The following BANK1 variants were observed in gnomAD, a reference collection of about 807,000 sequenced individuals.
BANK1 encodes B-cell scaffold protein with ankyrin repeats.
Under a neutral mutation model 94.5 loss-of-function variants are expected in BANK1, and 95 were observed. The ratio of observed to expected loss-of-function variants is 1.00; its 90% confidence interval spans 0.85 to 1.19. The LOEUF (loss-of-function observed/expected upper bound fraction) is 1.19. BANK1 is among the 50% of genes most tolerant of loss of function. The pLI, the probability that BANK1 is intolerant of heterozygous loss-of-function variation, is 0.00. For missense variants in BANK1, 987 were observed against 932.2 expected, an observed-to-expected ratio of 1.06 and a Z score of -0.77; for synonymous variants, 334 against 308.4, an observed-to-expected ratio of 1.08 and a Z score of -0.87.
intron 7 of BANK1, among the ~76,000 whole-genome samples, chr4:101,934,989 C>T (rs1028978841): frequency 6.6e-6 from 1 of 151,380 alleles, no homozygotes; most frequent in African/African-American, 2.4e-5. Context: ...CAATACCCAC[C>T]CCACTTCATC....
intron 1 of BANK1, among the ~76,000 whole-genome samples, chr4:101,810,848 T>G (rs1725711839): frequency 6.6e-6 from 1 of 152,218 alleles, no homozygotes; most frequent in Non-Finnish European, 1.5e-5. Flanking sequence ...AGAACATTCA[T>G]TAGCATATAT....
chr4:101,838,714 T>TA (rs1393457248), intron 2 of BANK1, among the ~76,000 whole-genome samples: 1 of 152,222 alleles, frequency 6.6e-6, no homozygotes, highest in Non-Finnish European at 1.5e-5. Flanking sequence ...AATCTACCCT[T>TA]ATGTGATGAT....
At chr4:101,852,516 A>G (rs1306224553) in intron 2 of BANK1, among the ~76,000 whole-genome samples, 1 of 142,418 alleles carries the variant, frequency 7.0e-6, no homozygotes, top group Non-Finnish European at 1.5e-5. Context: ...ACACACACAT[A>G]TAGTCTATTC....
At chr4:101,858,717 A>T (rs1406485031) in intron 3 of BANK1, among the ~76,000 whole-genome samples, 1 of 152,180 alleles carries the variant, frequency 6.6e-6, no homozygotes, top group African/African-American at 2.4e-5. Flanking sequence ...AGAAAATTTA[A>T]TTCTGAAAGT....
At chr4:102,023,268 C>G (rs1726975953) in intron 8 of BANK1, among the ~76,000 whole-genome samples, 1 of 152,196 alleles carries the variant, frequency 6.6e-6, no homozygotes, top group South Asian at 2.1e-4. Context: ...AATTAGTAAA[C>G]TCTTCAAGTT....
chr4:102,073,824 A>G, intron 16 of BANK1, 76 bp downstream of exon 16: 5 of 1,175,810 alleles, frequency 4.3e-6, no homozygotes, highest in Non-Finnish European at 6.1e-6. Context: ...TCATTTGTCT[A>G]AAAAACAGAA....
At chr4:101,955,758 G>C (rs199542787) in intron 7 of BANK1, among the ~76,000 whole-genome samples, 1 of 152,036 alleles carries the variant, frequency 6.6e-6, no homozygotes, top group East Asian at 1.9e-4. Flanking sequence ...TGAAAAATAA[G>C]CTACAAATTT....
intron 5 of BANK1, among the ~76,000 whole-genome samples, chr4:101,892,490 A>G (rs1196028297): frequency 6.6e-6 from 1 of 151,034 alleles, no homozygotes; most frequent in Non-Finnish European, 1.5e-5. Context: ...TTTTTCCAAT[A>G]TTGTCAATAA....
At chr4:101,950,153 A>G (rs1479345778) in intron 7 of BANK1, among the ~76,000 whole-genome samples, 1 of 151,956 alleles carries the variant, frequency 6.6e-6, no homozygotes, top group African/African-American at 2.4e-5. Context: ...CCTCTATATG[A>G]CCTAATTGAT....
intron 6 of BANK1, among the ~76,000 whole-genome samples, chr4:101,911,236 G>T (rs1003075789): frequency 1.3e-5 from 2 of 151,978 alleles, no homozygotes; most frequent in Non-Finnish European, 2.9e-5. Context: ...ATGAGCTCGG[G>T]GTGTCATTGA....
chr4:102,052,685 A>T (rs1275510511), intron 11 of BANK1, among the ~76,000 whole-genome samples: 1 of 152,180 alleles, frequency 6.6e-6, no homozygotes, highest in East Asian at 1.9e-4. Context: ...CTTTTTATAA[A>T]TATTTTAACT....
chr4:101,815,225 T>G (rs929715124), intron 1 of BANK1, among the ~76,000 whole-genome samples: 7 of 152,138 alleles, frequency 4.6e-5, no homozygotes, highest in Non-Finnish European at 8.8e-5. Flanking sequence ...ACATATGCCC[T>G]CATGCTACAG....
intron 2 of BANK1, among the ~76,000 whole-genome samples, chr4:101,848,606 G>T (rs1186457121): frequency 2.0e-5 from 3 of 152,140 alleles, no homozygotes; most frequent in Non-Finnish European, 4.4e-5. Context: ...AGATATAAGA[G>T]AAATACAATC....
At chr4:101,954,824 G>A (rs942674465) in intron 7 of BANK1, among the ~76,000 whole-genome samples, 4 of 152,034 alleles carry the variant, frequency 2.6e-5, no homozygotes, top group Admixed American at 2.6e-4. Flanking sequence ...AAAATTTGTG[G>A]TTCACCAAAA....
At chr4:102,063,871 A>C (rs1372134483) in intron 13 of BANK1, among the ~76,000 whole-genome samples, 1 of 151,916 alleles carries the variant, frequency 6.6e-6, no homozygotes, top group Admixed American at 6.6e-5. Flanking sequence ...CTTTTTAATA[A>C]GTTAAAATAT....
intron 6 of BANK1, among the ~76,000 whole-genome samples, chr4:101,899,337 A>G (rs1433543442): frequency 6.6e-6 from 1 of 152,170 alleles, no homozygotes; most frequent in African/African-American, 2.4e-5. Flanking sequence ...ATTAAATTGG[A>G]GATTTGGCAT....
intron 7 of BANK1, among the ~76,000 whole-genome samples, chr4:101,999,541 A>G (rs1238496189): frequency 6.6e-6 from 1 of 152,216 alleles, no homozygotes; most frequent in East Asian, 1.9e-4. Flanking sequence ...TCATTTACTC[A>G]TCACTCAATC....
intron 7 of BANK1, among the ~76,000 whole-genome samples, chr4:101,968,041 G>C (rs1360194503): frequency 1.3e-5 from 2 of 151,948 alleles, no homozygotes; most frequent in Admixed American, 6.6e-5. Flanking sequence ...CTCTGAAGGA[G>C]GGAAGAAAAT....
chr4:101,930,315 A>T (rs1445146174), intron 7 of BANK1, among the ~76,000 whole-genome samples: 1 of 151,262 alleles, frequency 6.6e-6, no homozygotes, highest in Admixed American at 6.6e-5. Flanking sequence ...TTACCTATTC[A>T]TTCTTTTATA....
Sources: allele counts gnomAD v4.1 joint callset (sites outside exome capture counted in the v4.1 genomes callset), GRCh38; gene constraint gnomAD v4.1.1; transcripts MANE v1.5; gene names NCBI Gene and HGNC (gene_info 2026-07-23, HGNC 2026-07-21).